The following BLTP1 variants were observed in gnomAD, a reference collection of about 807,000 sequenced individuals.
BLTP1 encodes bridge-like lipid transfer protein family member 1, also known as fragile site-associated protein.
At chr4:122,262,142 G>T in the BLTP1 span, among the ~76,000 whole-genome samples, 1 of 133,742 alleles carries the variant, frequency 7.5e-6, no homozygotes, top group Non-Finnish European at 1.6e-5. Context: ...TCATGTTACA[G>T]ATCCTTTGTG....
At chr4:122,207,547 T>C in the BLTP1 span, 1 of 1,597,710 alleles carries the variant, frequency 6.3e-7, no homozygotes, top group Middle Eastern at 1.7e-4. Context: ...GTAGTGTATC[T>C]GGCAGCCTGT....
the BLTP1 span, chr4:122,334,615 T>G: frequency 2.7e-6 from 4 of 1,464,130 alleles, no homozygotes; most frequent in Non-Finnish European, 1.9e-6. Context: ...CTTGCTCTTT[T>G]GAGACTTTCC....
chr4:122,214,143 T>C, the BLTP1 span: 1 of 826,400 alleles, frequency 1.2e-6, no homozygotes, highest in Non-Finnish European at 1.5e-6. Flanking sequence ...TTAGCTGTCA[T>C]CTTTTAGCCT....
At chr4:122,215,988 T>C in the BLTP1 span, among the ~76,000 whole-genome samples, 1 of 152,184 alleles carries the variant, frequency 6.6e-6, no homozygotes, top group East Asian at 1.9e-4. Flanking sequence ...TCCAATTCCA[T>C]CCAGGTTGCT....
At chr4:122,194,521 A>C in the BLTP1 span, 8 of 889,450 alleles carry the variant, frequency 9.0e-6, no homozygotes, top group South Asian at 3.6e-4. Context: ...GAGATTTTAC[A>C]TTTCATTAAG....
the BLTP1 span, chr4:122,348,744 GTATT>G: frequency 6.9e-7 from 1 of 1,449,430 alleles, no homozygotes; most frequent in Non-Finnish European, 9.4e-7. Flanking sequence ...CAAAGGAAAT[GTATT>G]TAATCATTTT....
the BLTP1 span, among the ~76,000 whole-genome samples, chr4:122,232,550 T>G: frequency 6.6e-6 from 1 of 152,016 alleles, no homozygotes; most frequent in African/African-American, 2.4e-5. Flanking sequence ...GAGGTTGCAG[T>G]GAGCCAAGAT....
At chr4:122,181,158 C>A in the BLTP1 span, 1 of 314,186 alleles carries the variant, frequency 3.2e-6, no homozygotes, top group Non-Finnish European at 4.6e-6. Context: ...CTTTAGCTGA[C>A]AATCATCTAT....
At chr4:122,332,794 C>G in the BLTP1 span, among the ~76,000 whole-genome samples, 1 of 122,810 alleles carries the variant, frequency 8.1e-6, no homozygotes, top group South Asian at 3.1e-4. Context: ...CCCCCACCCC[C>G]CACAGTCCCC....
At chr4:122,261,607 C>T in the BLTP1 span, 58 of 983,374 alleles carry the variant, frequency 5.9e-5, no homozygotes, top group African/African-American at 9.6e-4. Context: ...TAAATCTTAA[C>T]ACACCTTGAT....
At chr4:122,156,041 C>CT in the BLTP1 span, 3 of 877,280 alleles carry the variant, frequency 3.4e-6, no homozygotes, top group Non-Finnish European at 4.1e-6. Flanking sequence ...GCTTGGGAAA[C>CT]TGAGTAGATT....
chr4:122,359,824 A>G, the BLTP1 span: 2 of 1,462,262 alleles, frequency 1.4e-6, no homozygotes, highest in Admixed American at 2.5e-5. Flanking sequence ...AAATATATTC[A>G]GAAGTTAGTC....
chr4:122,233,226 TAGGAA>T, the BLTP1 span, among the ~76,000 whole-genome samples: 1 of 152,168 alleles, frequency 6.6e-6, no homozygotes, highest in Admixed American at 6.5e-5. Flanking sequence ...TATGCAAAGA[TAGGAA>T]AGGAGAGCTA....
chr4:122,224,004 T>C, the BLTP1 span: 6 of 979,520 alleles, frequency 6.1e-6, no homozygotes, highest in Non-Finnish European at 7.3e-6. Context: ...ATGAAATTAT[T>C]CTCTGTAAGA....
chr4:122,289,441 A>C, the BLTP1 span: 1 of 955,284 alleles, frequency 1.0e-6, no homozygotes, highest in Non-Finnish European at 1.2e-6. Flanking sequence ...TCACCCTGAA[A>C]AAAGAAAAGC....
chr4:122,316,857 T>C, the BLTP1 span: 1 of 1,583,588 alleles, frequency 6.3e-7, no homozygotes, highest in South Asian at 1.1e-5. Flanking sequence ...TAATAGATGA[T>C]CTGAAGTATG....
At chr4:122,199,466 A>G in the BLTP1 span, 3 of 1,592,226 alleles carry the variant, frequency 1.9e-6, no homozygotes, top group South Asian at 1.1e-5. Flanking sequence ...TCTGTAGTAC[A>G]TGATGATATA....
At chr4:122,344,290 C>T in the BLTP1 span, 62 of 1,308,934 alleles carry the variant, frequency 4.7e-5, no homozygotes, top group Non-Finnish European at 6.4e-5. Context: ...TGGCATATTA[C>T]AGTATATTAG....
At chr4:122,200,225 T>C in the BLTP1 span, 1 of 984,498 alleles carries the variant, frequency 1.0e-6, no homozygotes, top group East Asian at 1.1e-4. Context: ...CATCTATTGC[T>C]GATAAATAGT....
Sources: allele counts gnomAD v4.1 joint callset (sites outside exome capture counted in the v4.1 genomes callset), GRCh38; gene constraint gnomAD v4.1.1; transcripts MANE v1.5; gene names NCBI Gene and HGNC (gene_info 2026-07-23, HGNC 2026-07-21).